SAXO1: variants seen among roughly 807,000 people sequenced by gnomAD.
The protein encoded by SAXO1 is stabilizer of axonemal microtubules 1.
In SAXO1, 21 loss-of-function variants were observed where a neutral mutation model predicts 17.5. That is an observed-to-expected ratio of 1.20 (90% CI 0.85 to 1.72). The LOEUF is 1.72. SAXO1 is among the 40% of genes most tolerant of loss of function. SAXO1 has a pLI of 0.00. For missense variants in SAXO1, 843 were observed against 596.0 expected (o/e 1.41, Z -4.32); for synonymous variants, 274 against 216.5 (o/e 1.27, Z -2.33).
At chr9:19,039,765 G>A (rs1836030983) in intron 1 of SAXO1, among the ~76,000 whole-genome samples, 1 of 152,106 alleles carries the variant, frequency 6.6e-6, no homozygotes, top group African/African-American at 2.4e-5. Flanking sequence ...TCTCGTTCTT[G>A]TCCCCCAGGC....
intron 2 of SAXO1, among the ~76,000 whole-genome samples, chr9:18,943,652 T>C (rs1831671321): frequency 1.3e-5 from 2 of 152,190 alleles, no homozygotes; most frequent in African/African-American, 4.8e-5. Flanking sequence ...TGGACAGGTT[T>C]CAAGGCAGCC....
intron 1 of SAXO1, among the ~76,000 whole-genome samples, chr9:18,980,875 T>C (rs1311808551): frequency 2.0e-5 from 3 of 147,508 alleles, no homozygotes; most frequent in Admixed American, 6.8e-5. Flanking sequence ...TCAGTTAACA[T>C]CTTGGTATGT....
At chr9:19,022,662 G>A (rs1332779615) in intron 1 of SAXO1, among the ~76,000 whole-genome samples, 1 of 152,146 alleles carries the variant, frequency 6.6e-6, no homozygotes, top group East Asian at 1.9e-4. Flanking sequence ...CCAGCACTGG[G>A]AGAAACTTAA....
chr9:18,968,099 G>A (rs541540520), intron 1 of SAXO1, among the ~76,000 whole-genome samples: 13 of 152,322 alleles, frequency 8.5e-5, no homozygotes, highest in African/African-American at 3.1e-4. Flanking sequence ...CAGTCCCAAT[G>A]AGACTAAGTG....
intron 1 of SAXO1, among the ~76,000 whole-genome samples, chr9:19,029,772 T>C (rs1835673116): frequency 6.6e-6 from 1 of 152,208 alleles, no homozygotes; most frequent in African/African-American, 2.4e-5. Flanking sequence ...GAATTTTTAG[T>C]TTTATTTAAC....
chr9:18,969,622 T>A (rs1185795915), intron 1 of SAXO1, among the ~76,000 whole-genome samples: 1 of 152,212 alleles, frequency 6.6e-6, no homozygotes, highest in Non-Finnish European at 1.5e-5. Flanking sequence ...CCAAACTAGA[T>A]TCCTTGGTGA....
At chr9:18,978,048 C>T (rs1209377102) in intron 1 of SAXO1, among the ~76,000 whole-genome samples, 2 of 148,262 alleles carry the variant, frequency 1.3e-5, no homozygotes, top group Non-Finnish European at 3.0e-5. Flanking sequence ...GTTCCAGAGT[C>T]GGGTGGAACT....
chr9:18,974,220 C>T (rs564465907), intron 1 of SAXO1, among the ~76,000 whole-genome samples: 4 of 152,236 alleles, frequency 2.6e-5, no homozygotes, highest in Non-Finnish European at 4.4e-5. Context: ...AAATCTACTT[C>T]TAAACATGGA....
intron 1 of SAXO1, among the ~76,000 whole-genome samples, chr9:18,993,869 G>A (rs1432355710): frequency 6.6e-6 from 1 of 152,182 alleles, no homozygotes; most frequent in Non-Finnish European, 1.5e-5. Flanking sequence ...ATTCCAGGGA[G>A]GGGGATAAGT....
At chr9:18,977,020 G>C (rs574152033) in intron 1 of SAXO1, among the ~76,000 whole-genome samples, 1 of 152,240 alleles carries the variant, frequency 6.6e-6, no homozygotes, top group Admixed American at 6.5e-5. Context: ...ATGGATTATA[G>C]CTCAGTATTT....
At chr9:18,950,464 A>G (rs573733236) in intron 2 of SAXO1, among the ~76,000 whole-genome samples, 20 of 151,944 alleles carry the variant, frequency 1.3e-4, no homozygotes, top group African/African-American at 4.6e-4. Flanking sequence ...TCCCTTAAAT[A>G]TTTTTCTTAA....
Position 18,928,053 on chromosome 9 carries a change from C to T in SAXO1, c.1424G>A (p.Ter475=), listed in dbSNP as rs1020277961. ...TTTCTAAATTACTATTTTTCAAAAT[C>T]AGGCTAACACTTCCAACTCCCTCTG... ...PNQRELEVLA[*] Residue 475 remains the stop codon, a stop_retained_variant, in exon 4 of 4, where the codon TGA becomes TAA. Coordinates refer to ENST00000380534, the MANE Select transcript of SAXO1 (RefSeq NM_153707.4). 2 of 1,556,528 alleles carry T rather than the reference C, an allele frequency of 1.3e-6. No homozygotes were observed. Among genetic ancestry groups the T allele is most frequent in the African/African-American group, 2.7e-5 (2 of 72,852 alleles).
chr9:18,931,758 T>G (rs1831059636), intron 3 of SAXO1, among the ~76,000 whole-genome samples: 1 of 152,246 alleles, frequency 6.6e-6, no homozygotes, highest in Non-Finnish European at 1.5e-5. Flanking sequence ...CATTTACATT[T>G]CTCTAATGAC....
intron 1 of SAXO1, among the ~76,000 whole-genome samples, chr9:18,958,300 T>C (rs542034207): frequency 5.3e-5 from 8 of 152,226 alleles, no homozygotes; most frequent in African/African-American, 1.7e-4. Context: ...GGTGGGCACC[T>C]GTAATTCCAG....
intron 1 of SAXO1, among the ~76,000 whole-genome samples, chr9:18,967,394 T>C (rs1832760925): frequency 7.1e-6 from 1 of 140,722 alleles, no homozygotes; most frequent in Non-Finnish European, 1.5e-5. Context: ...GGGAGTTTTA[T>C]CTATAGACCC....
chr9:19,008,015 T>G, intron 1 of SAXO1, among the ~76,000 whole-genome samples: 1 of 151,620 alleles, frequency 6.6e-6, no homozygotes, highest in Non-Finnish European at 1.5e-5. Context: ...TCACCCAGTC[T>G]GGAGTACAGT....
chr9:18,997,344 G>A (rs912408129), intron 1 of SAXO1, among the ~76,000 whole-genome samples: 2 of 152,362 alleles, frequency 1.3e-5, no homozygotes, highest in East Asian at 3.9e-4. Flanking sequence ...CTCACTGCTA[G>A]CGCAGCAGTA....
chr9:18,928,539 C>T lies in SAXO1; in HGVS notation c.938G>A (p.Cys313Tyr). 1 of 1,613,966 alleles carries T rather than the reference C, an allele frequency of 6.2e-7. No homozygotes were observed. The highest frequency in any genetic ancestry group is 8.5e-7 in the Non-Finnish European group (1 of 1,179,948). The part of the protein sequence containing the change: ...LLTTVQAHYT[C>Y]PKGAPAQSCR... ...GGACTGAGCTGGGGCACCCTTAGGG[C>T]ATGTGTAATGGGCCTGCACTGTTGT... Residue 313 changes from cysteine (C) to tyrosine (Y), a missense_variant, in exon 4 of 4, where the codon TGC (cysteine) becomes TAC (tyrosine). Physicochemically the swap from Cys to Tyr is radical, Grantham distance 194 (BLOSUM62 -2). Coordinates refer to ENST00000380534, the MANE Select transcript of SAXO1 (RefSeq NM_153707.4).
intron 1 of SAXO1, among the ~76,000 whole-genome samples, chr9:18,966,195 G>C (rs1832709283): frequency 2.0e-5 from 3 of 152,098 alleles, no homozygotes. Flanking sequence ...TTCAACCTTG[G>C]TCAATCTGAT....
Sources: gnomAD v4.1 joint callset for allele counts (sites outside exome capture counted in the v4.1 genomes callset) on GRCh38, gnomAD v4.1.1 for gene constraint, MANE v1.5 for transcripts, NCBI Gene and HGNC (gene_info 2026-07-23, HGNC 2026-07-21) for gene names.